Variants in DNAH11 observed in about 807,000 individuals in gnomAD.
DNAH11 encodes axonemal beta dynein heavy chain 11.
In DNAH11, 442 loss-of-function variants were observed where a neutral mutation model predicts 526.0. The ratio of observed to expected loss-of-function variants is 0.84; its 90% CI spans 0.78 to 0.91. The LOEUF (loss-of-function observed/expected upper bound fraction) is 0.91, where lower values mean the gene tolerates loss of function less well. Among genes scored for constraint, DNAH11 ranks in the 40% least tolerant of loss-of-function variants. DNAH11 has a pLI of 0.00. For missense variants in DNAH11, 6,989 were observed against 5,448.7 expected, an observed-to-expected ratio of 1.28 and a Z score of -8.90; for synonymous variants, 2,461 against 1,935.9, an observed-to-expected ratio of 1.27 and a Z score of -7.12.
intron 25 of DNAH11, among the ~76,000 whole-genome samples, chr7:21,633,202 G>A (rs1476444214): frequency 1.3e-5 from 2 of 152,124 alleles, no homozygotes; most frequent in African/African-American, 4.8e-5. Flanking sequence ...ATTTGGGTGG[G>A]GACACAGCCA....
chr7:21,894,865 C>CT lies in DNAH11; in HGVS notation c.12934-12dup, dbSNP rs767204430. ...ACATTGGAAGATATTCACTGTGTGGCTTTTTTTCTCCATGCAAGGGGGAAT... is the reference window on the plus strand; with the variant it reads ...ACATTGGAAGATATTCACTGTGTGGCTTTTTTTTCTCCATGCAAGGGGGAAT... On this transcript the variant is annotated intron_variant, in intron 78 of 81. Coordinates refer to ENST00000409508, the MANE Select transcript of DNAH11 (RefSeq NM_001277115.2). 5.6e-6 allele frequency: 9 copies of CT among 1,613,258 alleles called. No homozygotes were observed. The highest frequency in any genetic ancestry group is 5.3e-5 in the African/African-American group (4 of 75,032).
At chr7:21,900,876 A>AAAAT (rs1356606317) in intron 81 of DNAH11, 131 bp from the exon 82 acceptor site, 50 of 1,440,016 alleles carry the variant, frequency 3.5e-5, no homozygotes, top group Non-Finnish European at 4.6e-5. Context: ...CAGCTCAGTA[A>AAAAT]AAATACCACT....
intron 30 of DNAH11, among the ~76,000 whole-genome samples, chr7:21,665,106 T>C (rs1023286323): frequency 1.3e-5 from 2 of 151,980 alleles, no homozygotes; most frequent in African/African-American, 4.8e-5. Context: ...TCTCACTCTC[T>C]CTTCCCCTTC....
chr7:21,811,292 C>G (rs1020268814), intron 63 of DNAH11, among the ~76,000 whole-genome samples: 2 of 151,238 alleles, frequency 1.3e-5, no homozygotes, highest in Admixed American at 6.6e-5. Context: ...GTGAAACCCC[C>G]CCCCCTACTA....
At chr7:21,658,495 A>G (rs1782112787) in intron 29 of DNAH11, among the ~76,000 whole-genome samples, 1 of 152,142 alleles carries the variant, frequency 6.6e-6, no homozygotes, top group South Asian at 2.1e-4. Context: ...CTTGCCTTCA[A>G]AGCTGAGAAA....
At position 21,789,809 on chromosome 7, in the gene DNAH11, T is replaced by TTTCTTTCTTTCTTTC. The variant is rs1788375620; in HGVS notation, c.10026+470_10026+484dup. Among the ~76,000 whole-genome samples, 59 of 19,496 alleles carry TTTCTTTCTTTCTTTC rather than the reference T, an allele frequency of 3.0e-3. 1 individual carries two copies. The highest frequency in any genetic ancestry group is 6.7e-3 in the African/African-American group (46 of 6,888). 12.8% of individuals were successfully genotyped at this position (19,496 alleles called of 152,430 possible). A position where few individuals can be genotyped will look rare whatever the true frequency, so the allele number is the denominator to read the frequency against. On this transcript the variant is annotated intron_variant, in intron 61 of 81. Transcript: ENST00000409508. ...TCTTTCTTTCTTTCTTTCTTTCTTT[T>TTTCTTTCTTTCTTTC]TTCTTTCTTTCTTTCTTTCTTTCTT... is the stretch of plus-strand genomic sequence containing the variant.
At chr7:21,779,419 A>G (rs1787839835) in intron 57 of DNAH11, among the ~76,000 whole-genome samples, 1 of 152,182 alleles carries the variant, frequency 6.6e-6, no homozygotes, top group Non-Finnish European at 1.5e-5. Context: ...GTCACCTCTG[A>G]GGTTTTTAAA....
chr7:21,546,737 A>G (rs1453829174), intron 2 of DNAH11, among the ~76,000 whole-genome samples: 2 of 152,226 alleles, frequency 1.3e-5, no homozygotes. Context: ...AAGAAACAAT[A>G]ATTGTGAATG....
chr7:21,640,581 A>G (rs1405741476), intron 28 of DNAH11, among the ~76,000 whole-genome samples: 1 of 152,016 alleles, frequency 6.6e-6, no homozygotes, highest in Admixed American at 6.5e-5. Flanking sequence ...TATTAATTCC[A>G]TGGGATAACA....
intron 30 of DNAH11, among the ~76,000 whole-genome samples, chr7:21,660,320 T>C (rs888863103): frequency 6.6e-6 from 1 of 152,086 alleles, no homozygotes; most frequent in African/African-American, 2.4e-5. Context: ...TAAAATAATA[T>C]CCTCTTTTAA....
chr7:21,811,423 T>C (rs1033304878), intron 63 of DNAH11, among the ~76,000 whole-genome samples: 1 of 150,370 alleles, frequency 6.7e-6, no homozygotes, highest in Admixed American at 6.7e-5. Flanking sequence ...GCCACTGTAC[T>C]CCAGCCTGGG....
In DNAH11 at chr7:21,779,040, A is replaced by T; in HGVS notation, c.9419A>T (p.Lys3140Met). The T allele has an allele frequency of 6.2e-7, 1 of 1,613,532 alleles. No individual in the cohort carries two copies. The highest frequency in any genetic ancestry group is 1.3e-5 in the African/African-American group (1 of 75,036). ...CATGATGCCGAAGCTCTGATCACAA[A>T]GATCGGCCTTCAGACGGAGAAAGTG... ...RNHDAEALIT[K>M]IGLQTEKVSR... Residue 3140 changes from lysine (K) to methionine (M), a missense_variant, in exon 57 of 82, where the codon AAG becomes ATG. Physicochemically the swap from Lys to Met is moderately conservative, Grantham distance 95 (BLOSUM62 -1). Coordinates refer to ENST00000409508, the MANE Select transcript of DNAH11 (RefSeq NM_001277115.2).
intron 2 of DNAH11, among the ~76,000 whole-genome samples, chr7:21,547,932 A>G (rs1004334142): frequency 7.9e-5 from 12 of 152,210 alleles, no homozygotes; most frequent in African/African-American, 2.7e-4. Flanking sequence ...TTTTGCTAGT[A>G]AGTTATGCAC....
intron 70 of DNAH11, 145 bp from the exon 71 acceptor site, chr7:21,866,320 CAAAAA>C (rs35623271): frequency 1.1e-4 from 49 of 455,928 alleles, no homozygotes; most frequent in South Asian, 4.3e-4. Flanking sequence ...CTCAGCAGAG[CAAAAA>C]AAAAAAAAAA....
chr7:21,698,050 A>C, intron 35 of DNAH11, 25 bp from the exon 36 acceptor site: 1 of 1,590,152 alleles, frequency 6.3e-7, no homozygotes. Flanking sequence ...ACATTTTAAA[A>C]CTAAAATTCT....
At position 21,892,413 on chromosome 7, in the gene DNAH11, T is replaced by C. The variant is rs72658822; in HGVS notation, c.12508-12T>C. ...ACATTTGGAATAACTGACTTTTCCTTTGTGGTTCAAGACTGAAGATGAACT... is the reference window on the plus strand; with the variant it reads ...ACATTTGGAATAACTGACTTTTCCTCTGTGGTTCAAGACTGAAGATGAACT... On this transcript the variant is annotated splice_polypyrimidine_tract_variant and intron_variant, in intron 76 of 81. Coordinates refer to ENST00000409508, the MANE Select transcript of DNAH11 (RefSeq NM_001277115.2). 29,192 of 1,596,596 alleles carry C rather than the reference T, an allele frequency of 0.018. 457 individuals carry two copies. Among genetic ancestry groups the C allele is most frequent in the African/African-American group, 0.065 (4,839 of 74,494 alleles).
intron 30 of DNAH11, among the ~76,000 whole-genome samples, chr7:21,674,391 C>T (rs184887479): frequency 1.4e-4 from 22 of 152,104 alleles, no homozygotes; most frequent in African/African-American, 2.7e-4. Context: ...AACAGGGTCT[C>T]GCTCTGTCAC....
chr7:21,702,659 ATCT>A, intron 36 of DNAH11, 48 bp from the exon 37 acceptor site: 1 of 1,507,946 alleles, frequency 6.6e-7, no homozygotes, highest in South Asian at 1.2e-5. Context: ...TGGAATGAGA[ATCT>A]TCTTCCCTCA....
In DNAH11 at chr7:21,866,320, C is replaced by CA. The variant is rs35623271; in HGVS notation, c.11497-135dup. On this transcript the variant is annotated intron_variant, in intron 70 of 81. Coordinates refer to ENST00000409508, the MANE Select transcript of DNAH11 (RefSeq NM_001277115.2). ...CTTTGAGCTTACCCTCTCAGCAGAG[C>CA]AAAAAAAAAAAAAAAGGAAATCTGA... is the stretch of plus-strand genomic sequence containing the variant. 0.14 allele frequency: 62,314 copies of CA among 450,210 alleles called. 434 individuals carry two copies. Among genetic ancestry groups the CA allele is most frequent in the East Asian group, 0.21 (5,439 of 25,976 alleles). The allele number at this position is 450,210 out of a possible 1,614,324, so 27.9% of individuals were successfully genotyped here.
Sources: gnomAD v4.1 joint callset for allele counts (sites outside exome capture counted in the v4.1 genomes callset) on GRCh38, gnomAD v4.1.1 for gene constraint, MANE v1.5 for transcripts, NCBI Gene and HGNC (gene_info 2026-07-23, HGNC 2026-07-21) for gene names.